Variants in CHAT observed in about 807,000 individuals in gnomAD.
The protein encoded by CHAT is choline O-acetyltransferase, also known as acetyl CoA:choline O-acetyltransferase.
In CHAT, 61 loss-of-function variants were observed where a neutral mutation model predicts 76.9. The ratio of observed to expected loss-of-function variants is 0.79; its 90% CI spans 0.65 to 0.98. The LOEUF (loss-of-function observed/expected upper bound fraction) is 0.98. CHAT is among the 50% of genes least tolerant of loss of function. CHAT has a pLI of 0.00. For missense variants in CHAT, 946 were observed against 986.9 expected (o/e 0.96, Z 0.56); for synonymous variants, 407 against 397.4 (o/e 1.02, Z -0.29).
At chr10:49,609,989 G>A (rs1029403267), upstream of CHAT, among the ~76,000 whole-genome samples, 9 of 152,106 alleles carry the variant, frequency 5.9e-5, no homozygotes, top group African/African-American at 1.9e-4. Context: ...GGAGAAGAGC[G>A]GGCGCTGACC....
upstream of CHAT, chr10:49,611,551 CG>C (rs778186855): frequency 3.1e-6 from 5 of 1,604,316 alleles, no homozygotes; most frequent in Non-Finnish European, 4.2e-6. Flanking sequence ...GGCGGCTGCA[CG>C]GGCTCGGGCC....
intron 7 of CHAT, among the ~76,000 whole-genome samples, chr10:49,639,944 C>G (rs1021211272): frequency 2.0e-5 from 3 of 152,158 alleles, no homozygotes; most frequent in African/African-American, 7.2e-5. Flanking sequence ...ATTCTTTTCT[C>G]TCCTCCCTAG....
intron 2 of CHAT, among the ~76,000 whole-genome samples, chr10:49,617,885 C>G (rs4838534): frequency 0.21 from 31,627 of 152,132 alleles, 6,605 homozygotes; most frequent in East Asian, 0.62. Flanking sequence ...GTAGTTGGCA[C>G]TGACACCCCA....
intron 7 of CHAT, among the ~76,000 whole-genome samples, chr10:49,638,645 C>T (rs1337997203): frequency 6.6e-6 from 1 of 152,106 alleles, no homozygotes; most frequent in Non-Finnish European, 1.5e-5. Flanking sequence ...ATATACATAA[C>T]TTATCACAGT....
At chr10:49,648,031 G>A (rs576030045) in intron 8 of CHAT, 261 of 201,810 alleles carry the variant, frequency 1.3e-3, no homozygotes, top group African/African-American at 5.4e-3. Flanking sequence ...CGGGAGGGGA[G>A]GGCCTGCAAA....
chr10:49,648,837 G>T (rs1313597496), intron 9 of CHAT, among the ~76,000 whole-genome samples: 2 of 152,174 alleles, frequency 1.3e-5, no homozygotes, highest in African/African-American at 4.8e-5. Flanking sequence ...ATTTACGGCA[G>T]TCAGGGAGAA....
chr10:49,618,405 GA>G (rs1838577565), intron 2 of CHAT, among the ~76,000 whole-genome samples: 1 of 152,152 alleles, frequency 6.6e-6, no homozygotes, highest in Non-Finnish European at 1.5e-5. Context: ...CATTTTACAG[GA>G]GAAGAAACTG....
Position 49,649,361 on chromosome 10 carries a change from T to C in CHAT, c.1383-147T>C, listed in dbSNP as rs547423179. The stretch of plus-strand genomic sequence containing the variant: ...CTCTCTGAGCCTCAGTTTATTCATC[T>C]GCACGGTGGTTCAGGGGCAGCTCGT... On this transcript the variant is annotated intron_variant, in intron 9 of 14. Transcript: ENST00000337653. 2.0e-5 allele frequency: 22 copies of C among 1,103,580 alleles called. No homozygotes were observed. In the African/African-American group the frequency reaches 2.3e-4, roughly 12 times the overall value. 68.4% of individuals were successfully genotyped at this position (1,103,580 alleles called of 1,614,324 possible).
intron 5 of CHAT, among the ~76,000 whole-genome samples, chr10:49,623,507 C>T (rs1002951765): frequency 5.3e-5 from 8 of 152,100 alleles, no homozygotes; most frequent in African/African-American, 1.9e-4. Flanking sequence ...GAAATAAGGC[C>T]TCATCCTCCC....
upstream of CHAT, chr10:49,612,395 G>A (rs1474304356): frequency 3.3e-6 from 5 of 1,503,884 alleles, no homozygotes; most frequent in Admixed American, 4.1e-5. Context: ...GGGCTGCTCT[G>A]CAAGCCCACT....
At chr10:49,634,129 TC>T (rs1319140214) in intron 7 of CHAT, among the ~76,000 whole-genome samples, 2 of 152,188 alleles carry the variant, frequency 1.3e-5, no homozygotes, top group African/African-American at 4.8e-5. Context: ...GGCCAATGCC[TC>T]CCTCCTTCAG....
chr10:49,644,789 G>A (rs1357646535), intron 7 of CHAT, among the ~76,000 whole-genome samples: 3 of 152,208 alleles, frequency 2.0e-5, no homozygotes, highest in Admixed American at 1.3e-4. Flanking sequence ...TGTGAACCTG[G>A]AGAATTCACC....
At chr10:49,625,723 C>T in intron 6 of CHAT, 70 bp downstream of exon 6, 4 of 1,469,206 alleles carry the variant, frequency 2.7e-6, no homozygotes, top group Non-Finnish European at 3.7e-6. Flanking sequence ...CGTCCATTAC[C>T]TTCTCCGAGG....
intron 7 of CHAT, among the ~76,000 whole-genome samples, chr10:49,640,820 G>T (rs1041484373): frequency 6.6e-6 from 1 of 152,210 alleles, no homozygotes; most frequent in Non-Finnish European, 1.5e-5. Flanking sequence ...TGACTAGAGA[G>T]AGCAGGCTTT....
chr10:49,657,451 T>A (rs915306246), intron 13 of CHAT, among the ~76,000 whole-genome samples: 2 of 151,976 alleles, frequency 1.3e-5, no homozygotes, highest in Non-Finnish European at 2.9e-5. Flanking sequence ...CAGTTGATGA[T>A]CTATATAAAA....
At chr10:49,612,087 G>A, upstream of CHAT, 1 of 1,613,538 alleles carries the variant, frequency 6.2e-7, no homozygotes. Flanking sequence ...TGGGCTTTGA[G>A]CAGCTCAGCC....
chr10:49,621,138 T>C (rs1838692616), intron 4 of CHAT, among the ~76,000 whole-genome samples: 1 of 152,190 alleles, frequency 6.6e-6, no homozygotes, highest in Non-Finnish European at 1.5e-5. Context: ...CAATGGAGGA[T>C]GGGTGCAGGG....
chr10:49,655,065 C>T lies in CHAT; in HGVS notation c.1635-30C>T, dbSNP rs144057700. ...TTATGATTTCCCAAGAATAAATTAC[C>T]ATGTGCCATTCATCCTTCATCCCAC... On this transcript the variant is annotated intron_variant, in intron 11 of 14. Coordinates refer to ENST00000337653, the MANE Select transcript of CHAT (RefSeq NM_020549.5). 1.2e-4 allele frequency: 198 copies of T among 1,613,204 alleles called. No homozygotes were observed. In the East Asian group the frequency reaches 4.1e-3, roughly 34 times the overall value.
intron 10 of CHAT, 23 bp downstream of exon 10, chr10:49,649,659 T>C: frequency 6.2e-7 from 1 of 1,613,382 alleles, no homozygotes. Context: ...GAAGTCTCCT[T>C]TGAGGGGTCC....
Sources: allele counts gnomAD v4.1 joint callset (sites outside exome capture counted in the v4.1 genomes callset), GRCh38; gene constraint gnomAD v4.1.1; transcripts MANE v1.5; gene names NCBI Gene and HGNC (gene_info 2026-07-23, HGNC 2026-07-21).